LRRC59: variants seen among roughly 807,000 people sequenced by gnomAD.
LRRC59 encodes the protein leucine rich repeat containing 59.
LRRC59 carries 18 observed loss-of-function variants against 33.5 expected under a neutral mutation model. The ratio of observed to expected loss-of-function variants is 0.54; its 90% CI spans 0.37 to 0.80. LRRC59 has a LOEUF of 0.80. Among genes scored for constraint, LRRC59 ranks in the 30% least tolerant of loss-of-function variants. The pLI is 0.00. For synonymous variants in LRRC59, 138 were observed against 160.0 expected (o/e 0.86, Z 1.04); for missense variants, 330 against 391.9 (o/e 0.84, Z 1.33).
chr17:50,393,173 C>G (rs116015169), intron 2 of LRRC59, among the ~76,000 whole-genome samples: 442 of 152,260 alleles, frequency 2.9e-3, no homozygotes, highest in African/African-American at 0.01. Context: ...AGAGGTACCC[C>G]ATGTAAAAAT....
chr17:50,392,879 T>A lies in LRRC59; in HGVS notation c.184A>T (p.Thr62Ser), dbSNP rs1458920437. ...CTCAGGTCTAGCTTCACCAGGTGTG[T>A]GAGGCCACAGAAATCCGACTAGGAT... ...TTLPSDFCGL[T>S]HLVKLDLSKN... is the part of the protein sequence containing the mutation. The change falls in exon 3 of 7, where the codon ACA becomes TCA. Residue 62 changes from threonine (T) to serine (S), a missense_variant. Transcript: ENST00000225972. 6.2e-7 allele frequency: 1 copy of A among 1,613,636 alleles called. No homozygotes were observed.
intron 2 of LRRC59, among the ~76,000 whole-genome samples, chr17:50,393,836 G>A (rs1390995960): frequency 6.6e-6 from 1 of 152,166 alleles, no homozygotes; most frequent in Non-Finnish European, 1.5e-5. Flanking sequence ...GAGTGCGGCT[G>A]CAAGGAATTG....
At chr17:50,392,615 G>A in intron 3 of LRRC59, 113 bp from the exon 4 acceptor site, 1 of 1,460,924 alleles carries the variant, frequency 6.8e-7, no homozygotes, top group Non-Finnish European at 9.5e-7. Context: ...TCCACATATA[G>A]GGAGCGCCAT....
At chr17:50,389,818 C>G in intron 4 of LRRC59, among the ~76,000 whole-genome samples, 1 of 152,142 alleles carries the variant, frequency 6.6e-6, no homozygotes, top group East Asian at 1.9e-4. Flanking sequence ...TGGTTTGGGC[C>G]AGGCGCGGTG....
chr17:50,394,450 T>C (rs1161443896), intron 2 of LRRC59, among the ~76,000 whole-genome samples: 1 of 152,160 alleles, frequency 6.6e-6, no homozygotes, highest in Non-Finnish European at 1.5e-5. Flanking sequence ...CTAATTCAAG[T>C]CCTTTGGGAG....
At chr17:50,389,626 CTT>C (rs1392246812) in intron 4 of LRRC59, among the ~76,000 whole-genome samples, 4 of 152,182 alleles carry the variant, frequency 2.6e-5, no homozygotes, top group Non-Finnish European at 1.5e-5. Context: ...GCAAAAGGGT[CTT>C]GTTTTACTAC....
At chr17:50,390,758 G>A (rs1000526136) in intron 4 of LRRC59, among the ~76,000 whole-genome samples, 36 of 152,308 alleles carry the variant, frequency 2.4e-4, no homozygotes, top group African/African-American at 8.7e-4. Flanking sequence ...ACTAATTCCT[G>A]CAGACAGACG....
At position 50,382,326 on chromosome 17, in the gene LRRC59, G is replaced by T. The variant is rs1269058551; in HGVS notation, c.*662C>A. On this transcript the variant is annotated 3_prime_UTR_variant, in exon 7 of 7. Coordinates refer to ENST00000225972, the MANE Select transcript of LRRC59 (RefSeq NM_018509.4). Reference sequence around the variant, plus strand: ...GGGAAAATGATGTAAAGGGAAGAAAGAATACCAGAGTGGGAATCCAGTTTT... The same window carrying T: ...GGGAAAATGATGTAAAGGGAAGAAATAATACCAGAGTGGGAATCCAGTTTT... The T allele has an allele frequency of 6.6e-6, 1 of 152,470 alleles. No individual in the cohort carries two copies. The highest frequency in any genetic ancestry group is 2.4e-5 in the African/African-American group (1 of 41,458). The allele number at this position is 152,470 out of a possible 1,614,324, so 9.4% of individuals were successfully genotyped here.
At chr17:50,392,586 G>A in intron 3 of LRRC59, 84 bp from the exon 4 acceptor site, 1 of 1,452,628 alleles carries the variant, frequency 6.9e-7, no homozygotes, top group Non-Finnish European at 9.6e-7. Context: ...AAATGAGCAG[G>A]AAGAATGCCC....
intron 1 of LRRC59, 49 bp downstream of exon 1, chr17:50,397,164 C>A (rs1159809906): frequency 7.1e-7 from 1 of 1,416,070 alleles, no homozygotes; most frequent in Non-Finnish European, 9.6e-7. Flanking sequence ...CACGTAGGGG[C>A]CAGCGCCCGG....
At position 50,387,561 on chromosome 17, in the gene LRRC59, T is replaced by C. The variant is rs142075759; in HGVS notation, c.502+499A>G. ...TGAGTTTAAGGAGATGGCAGCATCA[T>C]GGAGACATGCTGGAAGGCATTGTGA... is the stretch of plus-strand genomic sequence containing the variant. On this transcript the variant is annotated intron_variant, in intron 5 of 6. Transcript: ENST00000225972. 2.6e-3 allele frequency among the ~76,000 whole-genome samples: 389 copies of C among 152,308 alleles called. 3 individuals are homozygous for C. Among genetic ancestry groups the C allele is most frequent in the African/African-American group, 9.1e-3 (380 of 41,564 alleles).
chr17:50,395,297 T>C (rs1914244759), intron 1 of LRRC59, among the ~76,000 whole-genome samples: 1 of 150,608 alleles, frequency 6.6e-6, no homozygotes, highest in African/African-American at 2.4e-5. Flanking sequence ...GGAGGATCGC[T>C]TGAGCCCAGG....
chr17:50,385,400 G>C, intron 5 of LRRC59, 109 bp from the exon 6 acceptor site: 1 of 1,166,892 alleles, frequency 8.6e-7, no homozygotes, highest in Non-Finnish European at 1.2e-6. Flanking sequence ...CTGGTGCCAT[G>C]GTTCACATAA....
rs1172320571 is a variant in LRRC59 at position 50,383,135 on chromosome 17, C to T, written c.777G>A (p.Val259=). 1 of 1,581,688 alleles carries T rather than the reference C, an allele frequency of 6.3e-7. No homozygotes were observed. Among genetic ancestry groups the T allele is most frequent in the African/African-American group, 1.3e-5 (1 of 74,634 alleles). ...KLLLLLLLFG[V]AGGLVACRVT... is the part of the protein sequence containing the mutation. ...CCCGACAAGCAACCAGCCCTCCCGCCACACCAAATAGCAGCAGCAGCAGCA... is the reference window on the plus strand; with the variant it reads ...CCCGACAAGCAACCAGCCCTCCCGCTACACCAAATAGCAGCAGCAGCAGCA... The change falls in exon 7 of 7, where the codon GTG becomes GTA. Residue 259 remains valine (V), a synonymous_variant. Transcript: ENST00000225972.
Position 50,397,283 on chromosome 17 carries a change from C to G in LRRC59, c.35G>C (p.Arg12Pro), listed in dbSNP as rs766206729. The G allele has an allele frequency of 2.3e-5, 37 of 1,609,850 alleles. No individual in the cohort carries two copies. The highest frequency in any genetic ancestry group is 3.1e-5 in the Non-Finnish European group (37 of 1,178,508). The change falls in exon 1 of 7, where the codon CGC becomes CCC. Residue 12 changes from arginine (R) to proline (P), a missense_variant. Physicochemically the swap from Arg to Pro is moderately radical, Grantham distance 103. Transcript: ENST00000225972. ...TKAGSKGGNL[R>P]DKLDGNELDL... ...CAGTTCGTTGCCGTCCAGCTTGTCG[C>G]GGAGGTTCCCGCCCTTGCTACCGGC... is the stretch of plus-strand genomic sequence containing the variant.
chr17:50,392,413 C>T lies in LRRC59; in HGVS notation c.414G>A (p.Lys138=). 2 of 1,614,064 alleles carry T rather than the reference C, an allele frequency of 1.2e-6. No homozygotes were observed. The highest frequency in any genetic ancestry group is 1.1e-5 in the South Asian group (1 of 91,086). Residue 138 remains lysine, a synonymous_variant, in exon 4 of 7, where the codon AAG becomes AAA. Coordinates refer to ENST00000225972, the MANE Select transcript of LRRC59 (RefSeq NM_018509.4). ...TGGTGCTTACCTTGTTTGCACACTG[C>T]TTACACTGCTTCTCATCCAAGCAGT... The part of the protein sequence containing the change: ...AGDCLDEKQC[K]QCANKVLQHM...
At chr17:50,394,755 A>G (rs919575080) in intron 2 of LRRC59, among the ~76,000 whole-genome samples, 174 bp downstream of exon 2, 6 of 152,098 alleles carry the variant, frequency 3.9e-5, no homozygotes, top group African/African-American at 1.4e-4. Context: ...ACTGAGACCA[A>G]CCACTCCATT....
Position 50,383,453 on chromosome 17 carries a change from C to T in LRRC59, c.677-218G>A, listed in dbSNP as rs901985928. Among the ~76,000 whole-genome samples, 11 of 152,118 alleles carry T rather than the reference C, an allele frequency of 7.2e-5. No homozygotes were observed. In the East Asian group the frequency reaches 1.3e-3, roughly 19 times the overall value. On this transcript the variant is annotated intron_variant, in intron 6 of 6. Transcript: ENST00000225972. Reference sequence around the variant, plus strand: ...AGATTTGCAACTGGCACTCATTCTGCGTGTCTCATGTAGCTCACAGCCCTC... The same window carrying T: ...AGATTTGCAACTGGCACTCATTCTGTGTGTCTCATGTAGCTCACAGCCCTC...
chr17:50,395,711 C>T (rs965291999), intron 1 of LRRC59, among the ~76,000 whole-genome samples: 5 of 152,116 alleles, frequency 3.3e-5, no homozygotes, highest in Non-Finnish European at 7.4e-5. Flanking sequence ...GTCAGGAGTT[C>T]GAGACCAGCC....
Sources: gnomAD v4.1 joint callset for allele counts (sites outside exome capture counted in the v4.1 genomes callset) on GRCh38, gnomAD v4.1.1 for gene constraint, MANE v1.5 for transcripts, NCBI Gene and HGNC (gene_info 2026-07-23, HGNC 2026-07-21) for gene names.